Variants in TGFBR3 observed in about 807,000 individuals in gnomAD.
TGFBR3 encodes transforming growth factor beta receptor 3, also known as transforming growth factor beta receptor type 3.
Under a neutral mutation model 87.9 loss-of-function variants are expected in TGFBR3, and 46 were observed. The ratio of observed to expected loss-of-function variants is 0.52; its 90% CI spans 0.41 to 0.67. TGFBR3 has a LOEUF of 0.67. Ranked by LOEUF, TGFBR3 falls within the 30% of genes least tolerant of loss-of-function variation. The probability of loss-of-function intolerance (pLI) is 0.00; values close to 1 mark genes in which losing one functional copy is unlikely to be tolerated. For synonymous variants in TGFBR3, 381 were observed against 391.6 expected, an observed-to-expected ratio of 0.97 and a Z score of 0.32; for missense variants, 866 against 1,041.9, an observed-to-expected ratio of 0.83 and a Z score of 2.32.
chr1:91,853,259 CAAAAAAAAAAAA>C (rs11340974), intron 2 of TGFBR3, among the ~76,000 whole-genome samples: 20 of 76,608 alleles, frequency 2.6e-4, no homozygotes, highest in Non-Finnish European at 3.8e-4. Context: ...TGAGGGTTGG[CAAAAAAAAAAAA>C]AAAAAAAAAA....
At chr1:91,847,534 C>T (rs1442137875) in intron 2 of TGFBR3, among the ~76,000 whole-genome samples, 1 of 144,356 alleles carries the variant, frequency 6.9e-6, no homozygotes, top group Non-Finnish European at 1.5e-5. Context: ...ACCCAGTAGG[C>T]GGAGGTTGCA....
intron 2 of TGFBR3, among the ~76,000 whole-genome samples, chr1:91,813,184 T>C (rs1676086972): frequency 6.6e-6 from 1 of 152,186 alleles, no homozygotes; most frequent in African/African-American, 2.4e-5. Flanking sequence ...GTAAAACTGA[T>C]ACTGTATCAT....
intron 1 of TGFBR3, among the ~76,000 whole-genome samples, chr1:91,870,072 AT>A (rs1678528885): frequency 6.6e-6 from 1 of 152,238 alleles, no homozygotes; most frequent in Admixed American, 6.5e-5. Context: ...TTAATACTAC[AT>A]TAGCTATTTT....
intron 1 of TGFBR3, among the ~76,000 whole-genome samples, chr1:91,900,597 A>C (rs1241697813): frequency 6.6e-6 from 1 of 152,246 alleles, no homozygotes; most frequent in Non-Finnish European, 1.5e-5. Flanking sequence ...AAAGTATCAC[A>C]TACAAGAAAC....
At chr1:91,733,343 C>T (rs1672840797) in intron 5 of TGFBR3, among the ~76,000 whole-genome samples, 1 of 152,228 alleles carries the variant, frequency 6.6e-6, no homozygotes, top group Non-Finnish European at 1.5e-5. Flanking sequence ...TCACTTAGCC[C>T]TCCACTAAGC....
At chr1:91,832,265 C>G (rs1357418337) in intron 2 of TGFBR3, among the ~76,000 whole-genome samples, 1 of 152,152 alleles carries the variant, frequency 6.6e-6, no homozygotes, top group Non-Finnish European at 1.5e-5. Flanking sequence ...GGAAAAACAG[C>G]TAGTGGCCCT....
At chr1:91,772,747 T>G (rs1674427229) in intron 3 of TGFBR3, among the ~76,000 whole-genome samples, 1 of 152,212 alleles carries the variant, frequency 6.6e-6, no homozygotes, top group African/African-American at 2.4e-5. Flanking sequence ...GTTACCATTG[T>G]AGAATGGTGT....
intron 2 of TGFBR3, among the ~76,000 whole-genome samples, chr1:91,800,765 T>C (rs1675593061): frequency 6.6e-6 from 1 of 151,858 alleles, no homozygotes; most frequent in Admixed American, 6.6e-5. Flanking sequence ...ATGGTATCTT[T>C]AACAGTTCAG....
At chr1:91,736,387 GAATT>G (rs1289371729) in intron 4 of TGFBR3, among the ~76,000 whole-genome samples, 5 of 148,190 alleles carry the variant, frequency 3.4e-5, no homozygotes, top group African/African-American at 1.2e-4. Context: ...TGGAAGCCCT[GAATT>G]AATCACTAAT....
intron 2 of TGFBR3, among the ~76,000 whole-genome samples, chr1:91,805,750 C>T (rs554268447): frequency 6.6e-6 from 1 of 152,338 alleles, no homozygotes; most frequent in Admixed American, 6.5e-5. Flanking sequence ...GTTACCACAC[C>T]ACTAGGGGCC....
At chr1:91,701,975 G>GT (rs1671634172) in intron 14 of TGFBR3, among the ~76,000 whole-genome samples, 1 of 152,188 alleles carries the variant, frequency 6.6e-6, no homozygotes, top group Admixed American at 6.5e-5. Flanking sequence ...CTAGACCAGT[G>GT]TGTCTCACGT....
At chr1:91,761,166 T>C (rs1456851612) in intron 3 of TGFBR3, among the ~76,000 whole-genome samples, 5 of 152,236 alleles carry the variant, frequency 3.3e-5, no homozygotes, top group African/African-American at 7.2e-5. Context: ...TCGGTCAAAA[T>C]ATATACTACA....
At chr1:91,822,304 A>T (rs932738125) in intron 2 of TGFBR3, among the ~76,000 whole-genome samples, 24 of 149,716 alleles carry the variant, frequency 1.6e-4, no homozygotes, top group Non-Finnish European at 2.4e-4. Flanking sequence ...AAAAAAAAAA[A>T]AAAAAAAAAA....
At chr1:91,745,105 T>TA (rs1475479641) in intron 4 of TGFBR3, among the ~76,000 whole-genome samples, 3 of 152,184 alleles carry the variant, frequency 2.0e-5, no homozygotes, top group African/African-American at 7.2e-5. Context: ...CTATTCAGGT[T>TA]ACAGGCCCTT....
intron 2 of TGFBR3, among the ~76,000 whole-genome samples, chr1:91,800,316 A>ATG (rs1557717361): frequency 4.9e-5 from 5 of 101,376 alleles, no homozygotes; most frequent in Middle Eastern, 4.8e-3. Context: ...GCATATATGT[A>ATG]TATATATGTG....
At chr1:91,905,521 C>T (rs1679826974) in intron 1 of TGFBR3, among the ~76,000 whole-genome samples, 1 of 152,188 alleles carries the variant, frequency 6.6e-6, no homozygotes. Context: ...CAACGTCGGC[C>T]TCCCAGGTTC....
At chr1:91,759,186 TCTC>T (rs1673862008) in intron 3 of TGFBR3, among the ~76,000 whole-genome samples, 2 of 152,076 alleles carry the variant, frequency 1.3e-5, no homozygotes, top group Admixed American at 1.3e-4. Flanking sequence ...ATGACTTTCT[TCTC>T]CTCCAGGTAA....
chr1:91,838,890 A>G (rs1213557363), intron 2 of TGFBR3, among the ~76,000 whole-genome samples: 2 of 152,194 alleles, frequency 1.3e-5, no homozygotes. Context: ...TTTGCAATAC[A>G]TTGTTCTGGT....
chr1:91,686,648 A>G (rs1159937082), intron 16 of TGFBR3, among the ~76,000 whole-genome samples: 2 of 152,256 alleles, frequency 1.3e-5, no homozygotes, highest in Non-Finnish European at 2.9e-5. Flanking sequence ...CTACAGAAAA[A>G]TTCACCATGA....
Sources: allele counts gnomAD v4.1 joint callset (sites outside exome capture counted in the v4.1 genomes callset), GRCh38; gene constraint gnomAD v4.1.1; transcripts MANE v1.5; gene names NCBI Gene and HGNC (gene_info 2026-07-23, HGNC 2026-07-21).